Variants in PCDHA11 observed in about 807,000 individuals in gnomAD.
PCDHA11 encodes protocadherin alpha 11.
In PCDHA11, 61 loss-of-function variants were observed where a neutral mutation model predicts 70.3. The observed-to-expected ratio is 0.87, with a 90% confidence interval of 0.71 to 1.07. PCDHA11 has a LOEUF of 1.07. Among genes scored for constraint, PCDHA11 ranks in the 50% least tolerant of loss-of-function variants. PCDHA11 has a pLI of 0.00. For synonymous variants in PCDHA11, 633 were observed against 555.1 expected, an observed-to-expected ratio of 1.14 and a Z score of -1.97; for missense variants, 1,324 against 1,237.5, an observed-to-expected ratio of 1.07 and a Z score of -1.05.
intron 3 of PCDHA11, among the ~76,000 whole-genome samples, chr5:141,003,504 G>A (rs1336599901): frequency 9.2e-5 from 14 of 152,020 alleles, no homozygotes; most frequent in African/African-American, 3.4e-4. Context: ...GTAGAGATGG[G>A]GTTTCACCAT....
At chr5:140,946,314 T>C (rs1307176539) in intron 1 of PCDHA11, among the ~76,000 whole-genome samples, 2 of 151,808 alleles carry the variant, frequency 1.3e-5, no homozygotes, top group African/African-American at 4.8e-5. Flanking sequence ...ATGGCTATTA[T>C]TGAAAGAGGA....
intron 1 of PCDHA11, among the ~76,000 whole-genome samples, chr5:140,965,085 C>T (rs1439379437): frequency 6.6e-6 from 1 of 152,142 alleles, no homozygotes; most frequent in African/African-American, 2.4e-5. Context: ...TGACTTTGTT[C>T]CAGTCCATAG....
At chr5:141,001,977 A>T (rs527826696) in intron 3 of PCDHA11, among the ~76,000 whole-genome samples, 1 of 152,246 alleles carries the variant, frequency 6.6e-6, no homozygotes, top group South Asian at 2.1e-4. Flanking sequence ...CTCTGCGCGG[A>T]AAGCCTGGAA....
chr5:140,987,244 A>T (rs1184597193), intron 3 of PCDHA11, among the ~76,000 whole-genome samples: 1 of 152,018 alleles, frequency 6.6e-6, no homozygotes, highest in Non-Finnish European at 1.5e-5. Context: ...ATAAAGAAAG[A>T]AAGACATTCT....
intron 1 of PCDHA11, chr5:140,929,720 C>A (rs146702581): frequency 4.5e-6 from 1 of 224,040 alleles, no homozygotes; most frequent in Admixed American, 5.9e-5. Context: ...GAAGGTGAAA[C>A]ATTTACTTAA....
chr5:140,936,714 C>G (rs2091106727), intron 1 of PCDHA11, among the ~76,000 whole-genome samples: 1 of 152,198 alleles, frequency 6.6e-6, no homozygotes, highest in African/African-American at 2.4e-5. Context: ...TGTGCCAATA[C>G]ATTCTGTGTT....
In PCDHA11 at chr5:140,870,108, C is replaced by T. The variant is rs1317421695; in HGVS notation, c.1005C>T (p.Val335=). 2 of 1,613,788 alleles carry T rather than the reference C, an allele frequency of 1.2e-6. No homozygotes were observed. The highest frequency in any genetic ancestry group is 1.7e-6 in the Non-Finnish European group (2 of 1,179,900). ...GTPPMAGHCT[V]WVEILDTNDN... ...CCCCAATGGCAGGTCACTGTACAGT[C>T]TGGGTGGAAATCTTGGACACCAACG... The change falls in exon 1 of 4, where the codon GTC becomes GTT. Residue 335 remains valine, a synonymous_variant. Transcript: ENST00000398640.
At chr5:140,958,498 G>A (rs2095427243) in intron 1 of PCDHA11, among the ~76,000 whole-genome samples, 1 of 152,020 alleles carries the variant, frequency 6.6e-6, no homozygotes, top group African/African-American at 2.4e-5. Context: ...ACATATCCTA[G>A]GAGGCATGGC....
chr5:140,950,694 T>C (rs1361506103), intron 1 of PCDHA11, among the ~76,000 whole-genome samples: 4 of 152,104 alleles, frequency 2.6e-5, no homozygotes, highest in African/African-American at 9.7e-5. Flanking sequence ...TAACCAAATT[T>C]GACAAATTTT....
chr5:140,985,084 T>A (rs2097135513), intron 3 of PCDHA11, among the ~76,000 whole-genome samples: 1 of 151,986 alleles, frequency 6.6e-6, no homozygotes. Context: ...ACTACAGGCG[T>A]GTGCCACCAA....
intron 1 of PCDHA11, among the ~76,000 whole-genome samples, chr5:140,903,731 T>C (rs1554191096): frequency 6.6e-6 from 1 of 152,238 alleles, no homozygotes; most frequent in South Asian, 2.1e-4. Context: ...CTATTATCAA[T>C]TATTACAGAA....
At chr5:140,918,548 A>G (rs1360159345) in intron 1 of PCDHA11, among the ~76,000 whole-genome samples, 3 of 152,192 alleles carry the variant, frequency 2.0e-5, no homozygotes, top group Non-Finnish European at 4.4e-5. Context: ...TCCATGTGCA[A>G]TTGAGAAGAA....
Position 141,009,922 on chromosome 5 carries a change from C to G in PCDHA11, c.2835C>G (p.Asp945Glu), listed in dbSNP as rs1554262572. 6.2e-7 allele frequency: 1 copy of G among 1,608,774 alleles called. No individual in the cohort carries two copies. Among genetic ancestry groups the G allele is most frequent in the South Asian group, 1.1e-5 (1 of 90,050 alleles). The change falls in exon 4 of 4, where the codon GAC becomes GAG. Residue 945 changes from aspartate to glutamate, a missense_variant. Coordinates refer to ENST00000398640, the MANE Select transcript of PCDHA11 (RefSeq NM_018902.5). ...AAGAGAAAGGGAACAGCACGACTGACAACAGTGACCAGTGAGGTCCTCAAA... is the reference window on the plus strand; with the variant it reads ...AAGAGAAAGGGAACAGCACGACTGAGAACAGTGACCAGTGAGGTCCTCAAA... ...EKKEKGNSTT[D>E]NSDQ
chr5:140,886,268 A>C (rs1250080024), intron 1 of PCDHA11, among the ~76,000 whole-genome samples: 2 of 151,920 alleles, frequency 1.3e-5, no homozygotes, highest in Non-Finnish European at 2.9e-5. Flanking sequence ...TTATAGATAA[A>C]ATTTTTTAAA....
intron 1 of PCDHA11, chr5:140,882,650 G>A (rs782695823): frequency 8.1e-6 from 13 of 1,614,212 alleles, no homozygotes; most frequent in Non-Finnish European, 8.5e-6. Context: ...GGACATTAAC[G>A]ACAACCCGCC....
intron 1 of PCDHA11, chr5:140,927,446 T>C (rs1554204540): frequency 6.2e-7 from 1 of 1,614,128 alleles, no homozygotes; most frequent in Non-Finnish European, 8.5e-7. Flanking sequence ...TACCCGGAGT[T>C]GGTGTTGGAG....
At chr5:140,965,254 T>C (rs2153743153) in intron 1 of PCDHA11, among the ~76,000 whole-genome samples, 1 of 152,302 alleles carries the variant, frequency 6.6e-6, no homozygotes, top group African/African-American at 2.4e-5. Context: ...TATTCAGAAC[T>C]GAGCAGCAGA....
intron 1 of PCDHA11, among the ~76,000 whole-genome samples, chr5:140,914,914 G>A (rs2076876381): frequency 7.0e-6 from 1 of 143,682 alleles, no homozygotes; most frequent in African/African-American, 2.6e-5. Context: ...GTTTCTCTGT[G>A]TCTTATTGTA....
In PCDHA11 at chr5:140,953,934, C is replaced by T. The variant is rs2094953906; in HGVS notation, c.2392-25015C>T. 2.6e-5 allele frequency among the ~76,000 whole-genome samples: 4 copies of T among 152,200 alleles called. No homozygotes were observed. The South Asian group carries it at 8.3e-4, about 32-fold the overall frequency. On this transcript the variant is annotated intron_variant, in intron 1 of 3. Transcript: ENST00000398640. ...TTAGGTATTCTTCCTGATGCTCTCC[C>T]TCCCATTGCTCCCCCAACAGGCCCC...
Sources: allele counts gnomAD v4.1 joint callset (sites outside exome capture counted in the v4.1 genomes callset), GRCh38; gene constraint gnomAD v4.1.1; transcripts MANE v1.5; gene names NCBI Gene and HGNC (gene_info 2026-07-23, HGNC 2026-07-21).